Variants in TLR2 observed in about 807,000 individuals in gnomAD.
The protein encoded by TLR2 is toll-like receptor 2.
In TLR2, 7 loss-of-function variants were observed where a neutral mutation model predicts 9.1. The observed-to-expected ratio is 0.77, with a 90% CI of 0.44 to 1.44. The LOEUF (loss-of-function observed/expected upper bound fraction) is 1.44. Among genes scored for constraint, TLR2 ranks in the 40% most tolerant of loss-of-function variants. The pLI is 0.01. For synonymous variants in TLR2, 317 were observed against 344.6 expected (o/e 0.92, Z 0.89); for missense variants, 812 against 904.6 (o/e 0.90, Z 1.31).
intron 2 of TLR2, among the ~76,000 whole-genome samples, chr4:153,699,486 C>G (rs371958843): frequency 6.6e-6 from 1 of 152,128 alleles, no homozygotes; most frequent in Non-Finnish European, 1.5e-5. Flanking sequence ...ATTAGAAATC[C>G]CCTTCAAACA....
chr4:153,704,739 G>T lies in TLR2; in HGVS notation c.1832G>T (p.Arg611Leu). 1 of 1,613,986 alleles carries T rather than the reference G, an allele frequency of 6.2e-7. No homozygotes were observed. The highest frequency in any genetic ancestry group is 8.5e-7 in the Non-Finnish European group (1 of 1,180,000). ...CTGCTCACGGGGGTCCTGTGCCACC[G>T]TTTCCATGGCCTGTGGTATATGAAA... ...LILLTGVLCH[R>L]FHGLWYMKMM... The change falls in exon 3 of 3, where the codon CGT (arginine) becomes CTT (leucine). Residue 611 changes from arginine (R) to leucine (L), a missense_variant. By Grantham distance (102) the Arg-to-Leu change is moderately radical. Coordinates refer to ENST00000642700, the MANE Select transcript of TLR2 (RefSeq NM_001318789.2).
At chr4:153,695,551 G>A (rs1421601407) in intron 2 of TLR2, among the ~76,000 whole-genome samples, 1 of 151,990 alleles carries the variant, frequency 6.6e-6, no homozygotes, top group African/African-American at 2.4e-5. Flanking sequence ...TGAGTTATTT[G>A]ATCTCCTTAT....
In TLR2 at chr4:153,704,200, T is replaced by C. The variant is rs777402067; in HGVS notation, c.1293T>C (p.Thr431=). The C allele has an allele frequency of 1.9e-5, 30 of 1,614,172 alleles. No individual in the cohort carries two copies. The highest frequency in any genetic ancestry group is 2.5e-5 in the Non-Finnish European group (29 of 1,180,030). ...SKNSFHSMPE[T]CQWPEKMKYL... ...ATAGTTTTCATTCTATGCCTGAAAC[T>C]TGTCAGTGGCCAGAAAAGATGAAAT... is the stretch of plus-strand genomic sequence containing the variant. The change falls in exon 3 of 3, where the codon ACT becomes ACC. Residue 431 remains threonine (T), a synonymous_variant. Transcript: ENST00000642700.
At chr4:153,686,191 T>G (rs2127006637) in intron 1 of TLR2, among the ~76,000 whole-genome samples, 1 of 152,318 alleles carries the variant, frequency 6.6e-6, no homozygotes. Context: ...ATCATGCCAC[T>G]GCACTCCAGC....
chr4:153,706,900 A>G (rs555230519), downstream of TLR2, among the ~76,000 whole-genome samples: 27 of 152,310 alleles, frequency 1.8e-4, no homozygotes, highest in African/African-American at 5.8e-4. Context: ...TAAGTAAACC[A>G]TGAGCCTAAG....
At chr4:153,692,065 T>C (rs932489871) in intron 2 of TLR2, among the ~76,000 whole-genome samples, 3 of 152,238 alleles carry the variant, frequency 2.0e-5, no homozygotes, top group Admixed American at 6.5e-5. Context: ...TTTGAACTGT[T>C]TCACATGCCT....
intron 2 of TLR2, among the ~76,000 whole-genome samples, chr4:153,697,185 T>C (rs1029637316): frequency 2.0e-5 from 3 of 152,070 alleles, no homozygotes; most frequent in African/African-American, 7.2e-5. Flanking sequence ...ATTCTAAGTT[T>C]TTTTTTAAAA....
At position 153,687,647 on chromosome 4, in the gene TLR2, A is replaced by T. The variant is rs60278797; in HGVS notation, c.-162-255A>T. On this transcript the variant is annotated intron_variant, in intron 1 of 2. Coordinates refer to ENST00000642700, the MANE Select transcript of TLR2 (RefSeq NM_001318789.2). ...ATTTCCACCAAATCATAAATAGCCA[A>T]GCTTTAGCCAATCACAGGCAGCCAA... Among the ~76,000 whole-genome samples the T allele has an allele frequency of 7.8e-4, 119 of 152,256 alleles. 1 individual carries two copies. Among genetic ancestry groups the T allele is most frequent in the African/African-American group, 2.6e-3 (109 of 41,544 alleles).
Position 153,703,743 on chromosome 4 carries a change from T to C in TLR2, c.836T>C (p.Leu279Ser). Residue 279 changes from leucine (L) to serine (S), a missense_variant, in exon 3 of 3, where the codon TTG (leucine) becomes TCG (serine). Transcript: ENST00000642700. ...VMKLLNQISG[L>S]LELEFDDCTL... is the part of the protein sequence containing the mutation. ...AAACTTTTGAATCAGATTTCTGGAT[T>C]GTTAGAATTAGAGTTTGATGACTGT... is the stretch of plus-strand genomic sequence containing the variant. 2 of 1,613,990 alleles carry C rather than the reference T, an allele frequency of 1.2e-6. No homozygotes were observed. Among genetic ancestry groups the C allele is most frequent in the Non-Finnish European group, 8.5e-7 (1 of 1,179,996 alleles).
At chr4:153,710,632 A>T, downstream of TLR2, 1 of 760,210 alleles carries the variant, frequency 1.3e-6, no homozygotes, top group South Asian at 1.9e-5. Context: ...AAAGCCCCTT[A>T]TGTGAGTTTT....
At chr4:153,691,152 C>T (rs1736086468) in intron 2 of TLR2, among the ~76,000 whole-genome samples, 1 of 152,104 alleles carries the variant, frequency 6.6e-6, no homozygotes, top group Non-Finnish European at 1.5e-5. Flanking sequence ...CATTACAAGA[C>T]CCATCTGTAA....
chr4:153,684,453 G>C (rs1004858017), intron 1 of TLR2, 93 bp downstream of exon 1: 2 of 152,378 alleles, frequency 1.3e-5, no homozygotes, highest in Non-Finnish European at 2.9e-5. Flanking sequence ...GCCCGGTCAC[G>C]GGCTCTGGGG....
chr4:153,684,299 G>A lies in TLR2; in HGVS notation c.-224G>A, dbSNP rs1174655000. On this transcript the variant is annotated 5_prime_UTR_variant, in exon 1 of 3. Transcript: ENST00000642700. ...CCGGGCAGGCCGGCTCGGAGGCAGC[G>A]AGAAAGCGCAGCCAGGCGGCTGCTC... 5 of 152,362 alleles carry A rather than the reference G, an allele frequency of 3.3e-5. No individual in the cohort carries two copies. The highest frequency in any genetic ancestry group is 1.2e-4 in the African/African-American group (5 of 41,474). The allele number at this position is 152,362 out of a possible 1,614,324, so 9.4% of individuals were successfully genotyped here.
chr4:153,702,961 C>G lies in TLR2; in HGVS notation c.54C>G (p.Ser18=), dbSNP rs199775390. 2.5e-6 allele frequency: 4 copies of G among 1,608,884 alleles called. No individual in the cohort carries two copies. The highest frequency in any genetic ancestry group is 2.7e-5 in the African/African-American group (2 of 74,160). The change falls in exon 3 of 3, where the codon TCC becomes TCG. Residue 18 remains serine (S), a synonymous_variant. Transcript: ENST00000642700. The part of the protein sequence containing the change: ...VWVLGVIISL[S]KEESSNQASL... ...TCTTGGGGGTCATCATCAGCCTCTCCAAGGAAGAATCCTCCAATCAGGCTT... is the reference window on the plus strand; with the variant it reads ...TCTTGGGGGTCATCATCAGCCTCTCGAAGGAAGAATCCTCCAATCAGGCTT...
Position 153,705,165 on chromosome 4 carries a change from G to T in TLR2, c.2258G>T (p.Arg753Leu). ...ATTCCCCAGCGCTTCTGCAAGCTGC[G>T]GAAGATAATGAACACCAAGACCTAC... ...KAIPQRFCKL[R>L]KIMNTKTYLE... Residue 753 changes from arginine to leucine, a missense_variant, in exon 3 of 3, where the codon CGG becomes CTG. By Grantham distance (102) the Arg-to-Leu change is moderately radical. Transcript: ENST00000642700. 1.2e-6 allele frequency: 2 copies of T among 1,614,056 alleles called. No homozygotes were observed. Among genetic ancestry groups the T allele is most frequent in the Non-Finnish European group, 1.7e-6 (2 of 1,179,990 alleles).
rs771301932 is a variant in TLR2, at chr4:153,703,306, A to G, written c.399A>G (p.Gly133=). 2 of 1,612,340 alleles carry G rather than the reference A, an allele frequency of 1.2e-6. No homozygotes were observed. The highest frequency in any genetic ancestry group is 2.7e-5 in the African/African-American group (2 of 74,692). The change falls in exon 3 of 3, where the codon GGA becomes GGG. Residue 133 remains glycine, a synonymous_variant. Transcript: ENST00000642700. ...LSSLTFLNLL[G]NPYKTLGETS... ...CTTTAACATTCTTAAACTTACTGGGAAATCCTTACAAAACCCTAGGGGAAA... is the reference window on the plus strand; with the variant it reads ...CTTTAACATTCTTAAACTTACTGGGGAATCCTTACAAAACCCTAGGGGAAA...
Position 153,704,269 on chromosome 4 carries a change from C to T in TLR2, c.1362C>T (p.Cys454=). The change falls in exon 3 of 3, where the codon TGC becomes TGT. Residue 454 remains cysteine, a synonymous_variant. Coordinates refer to ENST00000642700, the MANE Select transcript of TLR2 (RefSeq NM_001318789.2). ...SSTRIHSVTG[C]IPKTLEILDV... Reference sequence around the variant, plus strand: ...CACGAATACACAGTGTAACAGGCTGCATTCCCAAGACACTGGAAATTTTAG... The same window carrying T: ...CACGAATACACAGTGTAACAGGCTGTATTCCCAAGACACTGGAAATTTTAG... 7 of 1,614,124 alleles carry T rather than the reference C, an allele frequency of 4.3e-6. No homozygotes were observed. The highest frequency in any genetic ancestry group is 5.9e-6 in the Non-Finnish European group (7 of 1,180,020).
At chr4:153,685,207 C>T (rs1482195637) in intron 1 of TLR2, among the ~76,000 whole-genome samples, 2 of 152,230 alleles carry the variant, frequency 1.3e-5, no homozygotes, top group East Asian at 3.8e-4. Context: ...AAAGTCGAGT[C>T]CTTCAAGTAA....
chr4:153,698,068 G>A (rs1323034366), intron 2 of TLR2, among the ~76,000 whole-genome samples: 1 of 152,148 alleles, frequency 6.6e-6, no homozygotes, highest in Non-Finnish European at 1.5e-5. Context: ...TATAAAGGGT[G>A]TGGACCTATA....
Sources: gnomAD v4.1 joint callset for allele counts (sites outside exome capture counted in the v4.1 genomes callset) on GRCh38, gnomAD v4.1.1 for gene constraint, MANE v1.5 for transcripts, NCBI Gene and HGNC (gene_info 2026-07-23, HGNC 2026-07-21) for gene names.